ACSS3: variants seen among roughly 807,000 people sequenced by gnomAD.
ACSS3 encodes the protein acyl-CoA synthetase short chain family member 3.
Under a neutral mutation model 84.2 loss-of-function variants are expected in ACSS3, and 64 were observed. The observed-to-expected ratio is 0.76, with a 90% CI of 0.62 to 0.94. The LOEUF is 0.94. Among genes scored for constraint, ACSS3 ranks in the 40% least tolerant of loss-of-function variants. The pLI, the probability that ACSS3 is intolerant of heterozygous loss-of-function variation, is 0.00. For missense variants in ACSS3, 815 were observed against 867.6 expected (o/e 0.94, Z 0.76); for synonymous variants, 317 against 310.1 (o/e 1.02, Z -0.23).
intron 5 of ACSS3, among the ~76,000 whole-genome samples, chr12:81,150,317 T>G (rs932901231): frequency 6.6e-6 from 1 of 152,222 alleles, no homozygotes; most frequent in African/African-American, 2.4e-5. Context: ...ATGGACAGCA[T>G]ATTGTCTACA....
intron 8 of ACSS3, among the ~76,000 whole-genome samples, chr12:81,186,563 T>A (rs1459730524): frequency 6.6e-6 from 1 of 151,764 alleles, no homozygotes; most frequent in Non-Finnish European, 1.5e-5. Flanking sequence ...TGGAAACACA[T>A]TTCTCCAAAG....
intron 13 of ACSS3, 76 bp from the exon 14 acceptor site, chr12:81,253,231 G>A: frequency 7.0e-7 from 1 of 1,423,236 alleles, no homozygotes; most frequent in South Asian, 1.2e-5. Flanking sequence ...ATCTATATCT[G>A]TATCTATATC....
In ACSS3 at chr12:81,107,949, C is replaced by A. The variant is rs116334221; in HGVS notation, c.312-1611C>A. On this transcript the variant is annotated intron_variant, in intron 1 of 15. Coordinates refer to ENST00000548058, the MANE Select transcript of ACSS3 (RefSeq NM_024560.4). ...CAGGAGAGCTAGCCTCTGCTTGCAT[C>A]GTGTCTGCTGACATTGCATTAGCCA... Among the ~76,000 whole-genome samples the A allele has an allele frequency of 8.9e-3, 1,356 of 152,034 alleles. 29 individuals carry two copies. The highest frequency in any genetic ancestry group is 0.032 in the African/African-American group (1,313 of 41,474).
chr12:81,127,171 A>G (rs2701787), intron 2 of ACSS3, among the ~76,000 whole-genome samples: 135,117 of 151,750 alleles, frequency 0.89, 61,139 homozygotes, highest in Middle Eastern at 0.98. Flanking sequence ...GCTTAGCATA[A>G]TATCATCTTC....
At chr12:81,200,804 G>T (rs1033140487) in intron 9 of ACSS3, among the ~76,000 whole-genome samples, 3 of 148,158 alleles carry the variant, frequency 2.0e-5, no homozygotes, top group African/African-American at 7.5e-5. Context: ...GGGAGGCAGA[G>T]AATTGCTTGA....
intron 1 of ACSS3, among the ~76,000 whole-genome samples, chr12:81,085,261 A>G (rs1278195327): frequency 2.6e-5 from 4 of 152,226 alleles, no homozygotes; most frequent in Non-Finnish European, 5.9e-5. Context: ...AATTGGTATA[A>G]AGAGTACTCA....
At chr12:81,213,585 C>CCTCT (rs2032690223) in intron 9 of ACSS3, among the ~76,000 whole-genome samples, 2 of 13,382 alleles carry the variant, frequency 1.5e-4, no homozygotes, top group African/African-American at 5.4e-4. Context: ...TCCTCTCCTC[C>CCTCT]CCTCCCCTCC....
intron 7 of ACSS3, among the ~76,000 whole-genome samples, chr12:81,160,648 T>C (rs537763048): frequency 1.0e-3 from 156 of 152,236 alleles, no homozygotes; most frequent in Non-Finnish European, 1.9e-3. Context: ...TTTAATTGGT[T>C]TTCTTGAATA....
chr12:81,177,536 A>C (rs375069062), intron 8 of ACSS3, among the ~76,000 whole-genome samples: 1 of 152,158 alleles, frequency 6.6e-6, no homozygotes, highest in African/African-American at 2.4e-5. Flanking sequence ...AACCCACAAA[A>C]TGGGAGAAAA....
chr12:81,166,763 T>C (rs182081244), intron 7 of ACSS3, among the ~76,000 whole-genome samples: 1 of 152,298 alleles, frequency 6.6e-6, no homozygotes, highest in East Asian at 1.9e-4. Context: ...GAAGGTTGTT[T>C]TGGACAAAGA....
chr12:81,086,049 C>T (rs1437718423), intron 1 of ACSS3, among the ~76,000 whole-genome samples: 2 of 152,098 alleles, frequency 1.3e-5, no homozygotes, highest in African/African-American at 4.8e-5. Flanking sequence ...TTTAATCCCC[C>T]TATTGAACTT....
chr12:81,253,872 T>G (rs767359262), intron 15 of ACSS3, among the ~76,000 whole-genome samples: 2 of 152,176 alleles, frequency 1.3e-5, no homozygotes, highest in Non-Finnish European at 2.9e-5. Context: ...AAACTCAGAT[T>G]AGTTAAGAAC....
chr12:81,135,134 C>G, intron 3 of ACSS3, 130 bp downstream of exon 3: 1 of 753,534 alleles, frequency 1.3e-6, no homozygotes, highest in Non-Finnish European at 1.8e-6. Context: ...TTGATAAATA[C>G]TTTTCCTAGA....
At chr12:81,240,716 T>C (rs1371224304) in intron 13 of ACSS3, among the ~76,000 whole-genome samples, 1 of 152,084 alleles carries the variant, frequency 6.6e-6, no homozygotes, top group African/African-American at 2.4e-5. Flanking sequence ...ATATACTTCT[T>C]TTAACTTGTT....
intron 8 of ACSS3, among the ~76,000 whole-genome samples, chr12:81,190,017 C>A (rs1485541880): frequency 6.6e-6 from 1 of 152,150 alleles, no homozygotes; most frequent in Non-Finnish European, 1.5e-5. Context: ...CTATTCTGTT[C>A]CATCAGCCTA....
intron 9 of ACSS3, among the ~76,000 whole-genome samples, chr12:81,201,601 G>T (rs1364774296): frequency 6.6e-6 from 1 of 152,166 alleles, no homozygotes; most frequent in Non-Finnish European, 1.5e-5. Context: ...TTTCTTTAAT[G>T]TATTGTTCCA....
intron 8 of ACSS3, among the ~76,000 whole-genome samples, chr12:81,182,354 T>G (rs1335971313): frequency 6.6e-6 from 1 of 151,604 alleles, no homozygotes; most frequent in Non-Finnish European, 1.5e-5. Flanking sequence ...GCTGAAGGAA[T>G]CCATTATCAT....
chr12:81,184,317 G>C (rs1224911935), intron 8 of ACSS3, among the ~76,000 whole-genome samples: 3 of 151,802 alleles, frequency 2.0e-5, no homozygotes, highest in Admixed American at 2.0e-4. Flanking sequence ...GTTTATAGCA[G>C]TAAATGCCTA....
intron 15 of ACSS3, among the ~76,000 whole-genome samples, chr12:81,253,876 T>G (rs1268046480): frequency 1.3e-5 from 2 of 152,148 alleles, no homozygotes; most frequent in Non-Finnish European, 2.9e-5. Context: ...TCAGATTAGT[T>G]AAGAACATAT....
Sources: allele counts gnomAD v4.1 joint callset (sites outside exome capture counted in the v4.1 genomes callset), GRCh38; gene constraint gnomAD v4.1.1; transcripts MANE v1.5; gene names NCBI Gene and HGNC (gene_info 2026-07-23, HGNC 2026-07-21).